Variants in SDC3 observed in about 807,000 individuals in gnomAD.
The protein encoded by SDC3 is syndecan-3.
A neutral mutation model predicts 24.4 loss-of-function variants in SDC3; 13 were observed. The observed-to-expected ratio is 0.53, with a 90% CI of 0.35 to 0.85. SDC3 has a LOEUF of 0.85. Among genes scored for constraint, SDC3 ranks in the 40% least tolerant of loss-of-function variants. The pLI is 0.01. For synonymous variants in SDC3, 295 were observed against 260.9 expected, an observed-to-expected ratio of 1.13 and a Z score of -1.26; for missense variants, 571 against 584.5, an observed-to-expected ratio of 0.98 and a Z score of 0.24.
intron 3 of SDC3, among the ~76,000 whole-genome samples, chr1:30,876,217 A>G (rs1639633895): frequency 6.6e-6 from 1 of 152,186 alleles, no homozygotes; most frequent in South Asian, 2.1e-4. Context: ...AGGAAGTGGC[A>G]GTGGAAAGAT....
In SDC3 at chr1:30,908,434, G is replaced by A. The variant is rs1185225083; in HGVS notation, c.138+15C>T. 1.4e-5 allele frequency: 14 copies of A among 1,033,570 alleles called. No homozygotes were observed. Among genetic ancestry groups the A allele is most frequent in the African/African-American group, 3.5e-5 (2 of 57,112 alleles). 64.0% of individuals were successfully genotyped at this position (1,033,570 alleles called of 1,614,324 possible). A position where few individuals can be genotyped will look rare whatever the true frequency, so the allele number is the denominator to read the frequency against. On this transcript the variant is annotated intron_variant, in intron 1 of 4. Transcript: ENST00000339394. ...CCGGGGAGCCGTGGCGGGGATCCGGGCGCGTGTCACTCACCCCCGCGGCGC... is the reference window on the plus strand; with the variant it reads ...CCGGGGAGCCGTGGCGGGGATCCGGACGCGTGTCACTCACCCCCGCGGCGC...
At chr1:30,890,086 G>C (rs1557521115) in intron 1 of SDC3, among the ~76,000 whole-genome samples, 1 of 152,204 alleles carries the variant, frequency 6.6e-6, no homozygotes. Flanking sequence ...CGAGGTGGGA[G>C]GGTCACCTGA....
chr1:30,874,907 C>T (rs1639612627), intron 3 of SDC3, among the ~76,000 whole-genome samples: 1 of 152,226 alleles, frequency 6.6e-6, no homozygotes, highest in South Asian at 2.1e-4. Flanking sequence ...ATCCTGTCCC[C>T]CTCATGTCCC....
rs140209147 is a variant in SDC3, at chr1:30,905,960, G to GACACACAC, written c.138+2481_138+2488dup. Among the ~76,000 whole-genome samples, 151 of 147,588 alleles carry GACACACAC rather than the reference G, an allele frequency of 1.0e-3. 2 individuals carry two copies. Among genetic ancestry groups the GACACACAC allele is most frequent in the South Asian group, 2.8e-3 (13 of 4,580 alleles). On this transcript the variant is annotated intron_variant, in intron 1 of 4. Transcript: ENST00000339394. ...CTATCCCCATGCTGAAAGACACGAAGACACACACACACACACACACACACA... is the reference window on the plus strand; with the variant it reads ...CTATCCCCATGCTGAAAGACACGAAGACACACACACACACACACACACACACACACACA...
In SDC3 at chr1:30,876,636, C is replaced by G. The variant is rs144566207; in HGVS notation, c.786G>C (p.Pro262=). 6.3e-7 allele frequency: 1 copy of G among 1,581,080 alleles called. No individual in the cohort carries two copies. Among genetic ancestry groups the G allele is most frequent in the African/African-American group, 1.4e-5 (1 of 73,838 alleles). Residue 262 remains proline (P), a synonymous_variant, in exon 3 of 5, where the codon CCG becomes CCC. Coordinates refer to ENST00000339394, the MANE Select transcript of SDC3 (RefSeq NM_014654.4). ...ATSRPRALPR[P]ATTQEPDIPE... is the part of the protein sequence containing the mutation. ...GGATGTCAGGCTCCTGGGTGGTGGC[C>G]GGCCTGGGAAGGGCTCTTGGCCGGG...
At chr1:30,908,915 C>T (rs1638595493), upstream of SDC3, among the ~76,000 whole-genome samples, 1 of 151,414 alleles carries the variant, frequency 6.6e-6, no homozygotes, top group South Asian at 2.1e-4. Flanking sequence ...CCCGCCCCCA[C>T]CCAGAGGGAG....
At chr1:30,880,216 G>A (rs926018195) in intron 1 of SDC3, among the ~76,000 whole-genome samples, 1 of 152,028 alleles carries the variant, frequency 6.6e-6, no homozygotes, top group East Asian at 1.9e-4. Flanking sequence ...CCATGCTAAC[G>A]ACCAGGAGCT....
intron 1 of SDC3, among the ~76,000 whole-genome samples, chr1:30,894,681 TGA>T (rs1639975119): frequency 1.6e-5 from 1 of 62,822 alleles, no homozygotes; most frequent in Non-Finnish European, 4.3e-5. Context: ...TGGATGACTG[TGA>T]GTGTGTGGGT....
intron 1 of SDC3, among the ~76,000 whole-genome samples, chr1:30,883,429 G>A (rs1404036656): frequency 6.6e-6 from 1 of 152,212 alleles, no homozygotes; most frequent in African/African-American, 2.4e-5. Flanking sequence ...GCAAGGGGTG[G>A]GGGCCCAGCT....
upstream of SDC3, among the ~76,000 whole-genome samples, chr1:30,909,137 C>A (rs918636335): frequency 1.3e-5 from 2 of 152,180 alleles, no homozygotes; most frequent in African/African-American, 4.8e-5. Flanking sequence ...CTACAGCCTC[C>A]CCCTGTGGCT....
At chr1:30,901,716 T>C (rs1394289821) in intron 1 of SDC3, among the ~76,000 whole-genome samples, 2 of 151,512 alleles carry the variant, frequency 1.3e-5, no homozygotes, top group Non-Finnish European at 2.9e-5. Context: ...TCCCCCTCTC[T>C]CCAAAAGAAA....
rs774939187 is a variant in SDC3 at position 30,873,199 on chromosome 1, A to T, written c.*12T>A. The T allele has an allele frequency of 2.1e-5, 34 of 1,606,430 alleles. No homozygotes were observed. In the East Asian group the frequency reaches 6.2e-4, roughly 30 times the overall value. Reference sequence around the variant, plus strand: ...GGTGGTGTTGAGGCTGCAGGGAGGCACTGTGGCTCCACTAGGCATAGAACT... The same window carrying T: ...GGTGGTGTTGAGGCTGCAGGGAGGCTCTGTGGCTCCACTAGGCATAGAACT... On this transcript the variant is annotated 3_prime_UTR_variant, in exon 5 of 5. Transcript: ENST00000339394.
intron 4 of SDC3, 149 bp downstream of exon 4, chr1:30,874,148 G>T (rs77754414): frequency 4.7e-6 from 3 of 641,698 alleles, no homozygotes; most frequent in South Asian, 4.1e-5. Context: ...GTCCTGGGGG[G>T]TTGAGTTCTC....
chr1:30,907,665 G>A (rs914264824), intron 1 of SDC3, among the ~76,000 whole-genome samples: 56 of 152,196 alleles, frequency 3.7e-4, no homozygotes, highest in African/African-American at 1.3e-3. Context: ...GGGAGGGCAC[G>A]CTGGCATCCA....
In SDC3 at chr1:30,908,645, GGC is replaced by G. The variant is rs1372308944; in HGVS notation, c.-61_-60del. On this transcript the variant is annotated 5_prime_UTR_variant, in exon 1 of 5. Transcript: ENST00000339394. ...GCGGGCGCCTTTGTTCCCGAGGCGC[GGC>G]GCGCGGGGCGGCTGCTTGGCGGCGG... The G allele has an allele frequency of 6.4e-6, 4 of 626,476 alleles. No individual in the cohort carries two copies. The highest frequency in any genetic ancestry group is 7.9e-6 in the Non-Finnish European group (4 of 505,476). 38.8% of individuals were successfully genotyped at this position (626,476 alleles called of 1,614,324 possible).
At chr1:30,909,537 G>A (rs1043349420), upstream of SDC3, among the ~76,000 whole-genome samples, 1 of 152,134 alleles carries the variant, frequency 6.6e-6, no homozygotes, top group Non-Finnish European at 1.5e-5. Flanking sequence ...AGCGCTGGTG[G>A]TCTTTCTACC....
rs12757735 is a variant in SDC3, at chr1:30,872,938, T to A, written c.*273A>T. Reference sequence around the variant, plus strand: ...TCAGGAGCTTTCTTCCTCCCATCCATCTGACATGAGGTCCTGAAGCCCCAG... The same window carrying A: ...TCAGGAGCTTTCTTCCTCCCATCCAACTGACATGAGGTCCTGAAGCCCCAG... On this transcript the variant is annotated 3_prime_UTR_variant, in exon 5 of 5. Coordinates refer to ENST00000339394, the MANE Select transcript of SDC3 (RefSeq NM_014654.4). 0.074 allele frequency: 32,854 copies of A among 441,146 alleles called. 1,445 individuals are homozygous for A. The highest frequency in any genetic ancestry group is 0.092 in the Non-Finnish European group (22,774 of 248,682). The allele number at this position is 441,146 out of a possible 1,614,324, so 27.3% of individuals were successfully genotyped here. A position where few individuals can be genotyped will look rare whatever the true frequency, so the allele number is the denominator to read the frequency against.
At chr1:30,888,307 G>A (rs983346978) in intron 1 of SDC3, among the ~76,000 whole-genome samples, 15 of 152,218 alleles carry the variant, frequency 9.9e-5, no homozygotes, top group African/African-American at 3.6e-4. Context: ...GGGGCTGGAG[G>A]AGCACATGGA....
At chr1:30,881,027 G>GCACACACA (rs146814082) in intron 1 of SDC3, among the ~76,000 whole-genome samples, 6 of 134,590 alleles carry the variant, frequency 4.5e-5, no homozygotes, top group African/African-American at 1.7e-4. Context: ...GCGCACGCAT[G>GCACACACA]CACACACACA....
Sources: allele counts gnomAD v4.1 joint callset (sites outside exome capture counted in the v4.1 genomes callset), GRCh38; gene constraint gnomAD v4.1.1; transcripts MANE v1.5; gene names NCBI Gene and HGNC (gene_info 2026-07-23, HGNC 2026-07-21).